PHF14: variants seen among roughly 807,000 people sequenced by gnomAD.
PHF14 encodes PHD finger protein 14.
In PHF14, 55 loss-of-function variants were observed where a neutral mutation model predicts 117.9. The observed-to-expected ratio is 0.47, with a 90% CI of 0.38 to 0.58. The LOEUF (loss-of-function observed/expected upper bound fraction) is 0.58, where lower values mean the gene tolerates loss of function less well. Among genes scored for constraint, PHF14 ranks in the 20% least tolerant of loss-of-function variants. The probability of loss-of-function intolerance (pLI) is 0.00; values close to 1 mark genes in which losing one functional copy is unlikely to be tolerated. For synonymous variants in PHF14, 409 were observed against 368.6 expected (o/e 1.11, Z -1.26); for missense variants, 978 against 1,122.2 (o/e 0.87, Z 1.84).
chr7:11,003,022 C>G (rs994264569), intron 4 of PHF14, among the ~76,000 whole-genome samples: 2 of 152,084 alleles, frequency 1.3e-5, no homozygotes, highest in African/African-American at 4.8e-5. Context: ...TCTCCGCTCA[C>G]TGTCGCCTCC....
At chr7:11,084,717 A>G (rs767531141) in intron 16 of PHF14, among the ~76,000 whole-genome samples, 24 of 152,274 alleles carry the variant, frequency 1.6e-4, no homozygotes, top group Middle Eastern at 3.4e-3. Flanking sequence ...GGATAATATT[A>G]TCTTGTTACC....
intron 17 of PHF14, among the ~76,000 whole-genome samples, chr7:11,145,406 C>G (rs1019860148): frequency 1.2e-4 from 18 of 151,970 alleles, no homozygotes; most frequent in African/African-American, 4.1e-4. Flanking sequence ...TTAAAAAAGT[C>G]ACTGTGCTAT....
At chr7:11,051,273 C>T (rs1234171892) in intron 13 of PHF14, among the ~76,000 whole-genome samples, 2 of 151,930 alleles carry the variant, frequency 1.3e-5, no homozygotes, top group Admixed American at 1.3e-4. Context: ...GCCTCAGTCT[C>T]CTGAAGTGCT....
rs1434139455 is a variant in PHF14 at position 10,974,845 on chromosome 7, C to T, written c.12C>T (p.Ser4=). 6.4e-7 allele frequency: 1 copy of T among 1,569,182 alleles called. No homozygotes were observed. Among genetic ancestry groups the T allele is most frequent in the Admixed American group, 1.8e-5 (1 of 55,198 alleles). MDR[S]SKRRQVKPLA... ...TTTTTCTCTTCACAGTGGATCGCAG[C>T]TCCAAGAGGAGGCAGGTGAAGCCTT... Residue 4 remains serine (S), a synonymous_variant, in exon 2 of 18, where the codon AGC becomes AGT. Coordinates refer to ENST00000634607, the MANE Select transcript of PHF14 (RefSeq NM_001007157.2).
chr7:11,137,472 T>C (rs965325650), intron 17 of PHF14, among the ~76,000 whole-genome samples: 1 of 152,180 alleles, frequency 6.6e-6, no homozygotes, highest in African/African-American at 2.4e-5. Context: ...TCATTTACTT[T>C]AGCTGGAACT....
Position 11,035,802 on chromosome 7 carries a change from C to A in PHF14, c.1602+16C>A. 6.4e-7 allele frequency: 1 copy of A among 1,558,672 alleles called. No homozygotes were observed. Among genetic ancestry groups the A allele is most frequent in the South Asian group, 1.2e-5 (1 of 82,810 alleles). On this transcript the variant is annotated intron_variant, in intron 8 of 17. Transcript: ENST00000634607. ...AGAAGCACAGGTATGGGATTCATGTCAAAACCCGTATGTTTTTGTTTTAAG... is the reference window on the plus strand; with the variant it reads ...AGAAGCACAGGTATGGGATTCATGTAAAAACCCGTATGTTTTTGTTTTAAG...
At chr7:11,033,832 G>A (rs1784214464) in intron 7 of PHF14, among the ~76,000 whole-genome samples, 1 of 152,064 alleles carries the variant, frequency 6.6e-6, no homozygotes, top group Admixed American at 6.6e-5. Context: ...TAACATCTCT[G>A]TCACCAAGAT....
intron 2 of PHF14, among the ~76,000 whole-genome samples, chr7:10,977,775 GAACTATATGGAAT>G (rs1781916980): frequency 6.6e-6 from 1 of 152,128 alleles, no homozygotes; most frequent in South Asian, 2.1e-4. Flanking sequence ...ATGTTAGGTT[GAACTATATGGAAT>G]TACCAGTTTT....
intron 17 of PHF14, among the ~76,000 whole-genome samples, chr7:11,112,912 G>A (rs1787491055): frequency 6.6e-6 from 1 of 151,888 alleles, no homozygotes; most frequent in Non-Finnish European, 1.5e-5. Flanking sequence ...TTTTATTAAG[G>A]CCTAGATTTA....
Position 10,982,425 on chromosome 7 carries a change from G to A in PHF14, c.166G>A (p.Gly56Ser), listed in dbSNP as rs760377196. 1 of 1,586,294 alleles carries A rather than the reference G, an allele frequency of 6.3e-7. No homozygotes were observed. Among genetic ancestry groups the A allele is most frequent in the Non-Finnish European group, 8.6e-7 (1 of 1,168,150 alleles). Residue 56 changes from glycine to serine, a missense_variant, in exon 3 of 18, where the codon GGT (glycine) becomes AGT (serine). Around this residue, in one of 7 missense-constraint regions of PHF14, gnomAD observed 414 missense variants for 376.4 expected, o/e 1.10. Transcript: ENST00000634607. ...SEDASKDSGE[G>S]SCSDSEENIL... ...AGATGCTTCAAAGGACAGTGGAGAA[G>A]GTTCCTGTAGTGATTCTGAAGAAAA...
At chr7:10,987,066 A>C (rs1782248807) in intron 3 of PHF14, among the ~76,000 whole-genome samples, 1 of 152,192 alleles carries the variant, frequency 6.6e-6, no homozygotes, top group Non-Finnish European at 1.5e-5. Flanking sequence ...GTGAATTAAA[A>C]TGTAAATGTT....
At chr7:10,978,203 G>A (rs945755400) in intron 2 of PHF14, among the ~76,000 whole-genome samples, 17 of 152,168 alleles carry the variant, frequency 1.1e-4, no homozygotes, top group Non-Finnish European at 1.6e-4. Flanking sequence ...TTGATTGTCC[G>A]TAGTTTAGCC....
At chr7:11,157,589 C>G (rs1788903645) in intron 17 of PHF14, among the ~76,000 whole-genome samples, 1 of 152,066 alleles carries the variant, frequency 6.6e-6, no homozygotes, top group African/African-American at 2.4e-5. Flanking sequence ...TAAGGACATC[C>G]ACCTCCCAAA....
intron 16 of PHF14, among the ~76,000 whole-genome samples, chr7:11,065,147 G>T (rs1785381523): frequency 6.6e-6 from 1 of 151,912 alleles, no homozygotes; most frequent in African/African-American, 2.4e-5. Context: ...CAGCATCTCA[G>T]GCAATTTTAT....
Position 11,130,592 on chromosome 7 carries a change from C to T in PHF14, c.2772+19125C>T, listed in dbSNP as rs7803348. ...CCCATATGCCCCCTCATCCCTTCCT[C>T]CTTCCCCTAGTTTCCTCTGTTACCA... On this transcript the variant is annotated intron_variant, in intron 17 of 17. Transcript: ENST00000634607. The surrounding 1 kb of genome is among the most constrained non-coding windows in gnomAD (Gnocchi z 4.2). Among the ~76,000 whole-genome samples the T allele has an allele frequency of 0.36, 54,732 of 151,652 alleles. 10,649 individuals are homozygous for T. The highest frequency in any genetic ancestry group is 0.73 in the East Asian group (3,769 of 5,168).
At chr7:11,140,436 G>A (rs1043380639) in intron 17 of PHF14, among the ~76,000 whole-genome samples, 3 of 152,086 alleles carry the variant, frequency 2.0e-5, no homozygotes, top group Non-Finnish European at 4.4e-5. Context: ...TATGTTGTTT[G>A]CTAGGTATCT....
rs890433486 is a variant in PHF14, at chr7:11,061,857, G to A, written c.2532+16G>A. The stretch of plus-strand genomic sequence containing the variant: ...AAAACATGAGGTTGGAATAAGTTAA[G>A]CACTTTTACACAGTCTTAACTTTGA... On this transcript the variant is annotated intron_variant, in intron 15 of 17. Coordinates refer to ENST00000634607, the MANE Select transcript of PHF14 (RefSeq NM_001007157.2). 1 of 1,530,094 alleles carries A rather than the reference G, an allele frequency of 6.5e-7. No homozygotes were observed. 94.8% of individuals were successfully genotyped at this position (1,530,094 alleles called of 1,614,324 possible). A position where few individuals can be genotyped will look rare whatever the true frequency, so the allele number is the denominator to read the frequency against.
At chr7:11,115,569 G>C (rs1202623223) in intron 17 of PHF14, among the ~76,000 whole-genome samples, 1 of 151,864 alleles carries the variant, frequency 6.6e-6, no homozygotes, top group Non-Finnish European at 1.5e-5. Flanking sequence ...CTTGAAATCT[G>C]TCAGTGTTTT....
chr7:10,984,504 ATTGT>A (rs1562561321), intron 3 of PHF14, among the ~76,000 whole-genome samples: 2 of 152,260 alleles, frequency 1.3e-5, no homozygotes, highest in East Asian at 1.9e-4. Flanking sequence ...GAAAAATCTA[ATTGT>A]TTGTATTTAA....
Sources: allele counts gnomAD v4.1 joint callset (sites outside exome capture counted in the v4.1 genomes callset), GRCh38; gene constraint gnomAD v4.1.1; regional missense constraint gnomAD v4.1.1; non-coding constraint Gnocchi (gnomAD v3.1); transcripts MANE v1.5; gene names NCBI Gene and HGNC (gene_info 2026-07-23, HGNC 2026-07-21).